Variants in CCDC178 observed in about 807,000 individuals in gnomAD.
CCDC178 encodes coiled-coil domain containing 178, also known as coiled-coil domain-containing protein 178.
A neutral mutation model predicts 117.4 loss-of-function variants in CCDC178; 126 were observed. That is an observed-to-expected ratio of 1.07 (90% CI 0.93 to 1.24). CCDC178 has a LOEUF of 1.24. CCDC178 is among the 50% of genes most tolerant of loss of function. CCDC178 has a pLI of 0.00. For missense variants in CCDC178, 1,030 were observed against 986.9 expected, an observed-to-expected ratio of 1.04 and a Z score of -0.59; for synonymous variants, 283 against 313.4, an observed-to-expected ratio of 0.90 and a Z score of 1.02.
chr18:33,242,057 T>C (rs1263916891), intron 15 of CCDC178, among the ~76,000 whole-genome samples: 2 of 151,754 alleles, frequency 1.3e-5, no homozygotes, highest in Non-Finnish European at 2.9e-5. Flanking sequence ...GGTACTGGCA[T>C]AAAAACAGTC....
intron 21 of CCDC178, among the ~76,000 whole-genome samples, chr18:33,041,561 T>G (rs1021713459): frequency 4.0e-5 from 6 of 151,348 alleles, no homozygotes; most frequent in Admixed American, 3.3e-4. Flanking sequence ...AATTTATTGA[T>G]AAGTCTAAGA....
chr18:33,189,546 G>A (rs2058834248), intron 20 of CCDC178, among the ~76,000 whole-genome samples: 1 of 152,126 alleles, frequency 6.6e-6, no homozygotes, highest in Admixed American at 6.6e-5. Context: ...TTACAGGATA[G>A]CATACAAGGA....
Position 33,139,191 on chromosome 18 carries a change from T to C in CCDC178, c.2239-46281A>G, listed in dbSNP as rs180883840. ...ACTTGCTCCTCCTTGCCTTCTGTCA[T>C]GATTGTGAGGCCATGTGGAAATTAA... On this transcript the variant is annotated intron_variant, in intron 20 of 22. Transcript: ENST00000383096. Among the ~76,000 whole-genome samples, 5 of 152,336 alleles carry C rather than the reference T, an allele frequency of 3.3e-5. No individual in the cohort carries two copies. The East Asian group carries it at 5.8e-4, about 18-fold the overall frequency.
intron 22 of CCDC178, among the ~76,000 whole-genome samples, chr18:32,947,186 A>C (rs977906444): frequency 2.6e-5 from 4 of 152,220 alleles, no homozygotes; most frequent in African/African-American, 9.6e-5. Context: ...AACAATAACA[A>C]AGCAGTCACG....
intron 20 of CCDC178, among the ~76,000 whole-genome samples, chr18:33,173,744 G>C (rs1016256639): frequency 3.3e-5 from 5 of 152,148 alleles, no homozygotes; most frequent in Non-Finnish European, 4.4e-5. Flanking sequence ...GTCTTGCATT[G>C]ATGAGAACAC....
At chr18:33,216,222 T>C (rs1424655574) in intron 18 of CCDC178, among the ~76,000 whole-genome samples, 1 of 152,100 alleles carries the variant, frequency 6.6e-6, no homozygotes, top group Non-Finnish European at 1.5e-5. Context: ...AAATGCATAC[T>C]TTATAAGCAT....
chr18:33,194,546 CT>C (rs928386733), intron 20 of CCDC178, among the ~76,000 whole-genome samples: 18 of 152,184 alleles, frequency 1.2e-4, no homozygotes, highest in African/African-American at 4.1e-4. Context: ...ACCACACTCG[CT>C]TTTTCCCCCA....
At chr18:33,322,633 A>G (rs1326265034) in intron 11 of CCDC178, among the ~76,000 whole-genome samples, 1 of 151,796 alleles carries the variant, frequency 6.6e-6, no homozygotes, top group Non-Finnish European at 1.5e-5. Flanking sequence ...TGGGTCAAAG[A>G]AGAAATCATG....
At chr18:33,436,314 C>G (rs948363570) in intron 2 of CCDC178, among the ~76,000 whole-genome samples, 110 of 152,156 alleles carry the variant, frequency 7.2e-4, no homozygotes, top group Non-Finnish European at 1.1e-3. Flanking sequence ...ATGATAGGAG[C>G]AGAGTTTAGG....
At chr18:33,111,049 T>C (rs1207508103) in intron 20 of CCDC178, among the ~76,000 whole-genome samples, 1 of 151,592 alleles carries the variant, frequency 6.6e-6, no homozygotes, top group Non-Finnish European at 1.5e-5. Context: ...ATTTAGAAAT[T>C]ATTTGATTTT....
intron 12 of CCDC178, among the ~76,000 whole-genome samples, chr18:33,275,684 G>T: frequency 1.1e-5 from 1 of 94,986 alleles, no homozygotes; most frequent in South Asian, 4.6e-4. Flanking sequence ...GGGAGGGGAG[G>T]AGGGAGGGGA....
At chr18:33,193,139 T>G (rs1272402068) in intron 20 of CCDC178, among the ~76,000 whole-genome samples, 2 of 150,512 alleles carry the variant, frequency 1.3e-5, no homozygotes, top group Non-Finnish European at 3.0e-5. Context: ...GGCAGGCGCC[T>G]GTAGTCGCAG....
intron 22 of CCDC178, among the ~76,000 whole-genome samples, chr18:32,945,612 G>A (rs1397073470): frequency 1.3e-5 from 2 of 152,122 alleles, no homozygotes; most frequent in African/African-American, 4.8e-5. Flanking sequence ...TTTGGAGAAG[G>A]CCACATGGCT....
chr18:33,110,635 C>T (rs898999745), intron 20 of CCDC178, among the ~76,000 whole-genome samples: 4 of 151,554 alleles, frequency 2.6e-5, no homozygotes, highest in African/African-American at 9.7e-5. Context: ...TGATCATGTA[C>T]TATTTATTGA....
intron 11 of CCDC178, among the ~76,000 whole-genome samples, chr18:33,309,093 A>G (rs1485287337): frequency 2.6e-5 from 4 of 152,096 alleles, no homozygotes; most frequent in East Asian, 1.9e-4. Context: ...TAATTATTTT[A>G]TATTTATATC....
intron 20 of CCDC178, among the ~76,000 whole-genome samples, chr18:33,162,807 C>T (rs1398328115): frequency 6.6e-6 from 1 of 152,042 alleles, no homozygotes; most frequent in East Asian, 1.9e-4. Context: ...TGTATATGTA[C>T]CGTATTTTAT....
intron 21 of CCDC178, among the ~76,000 whole-genome samples, chr18:32,984,152 C>T (rs2055211708): frequency 1.3e-5 from 2 of 151,634 alleles, no homozygotes; most frequent in Non-Finnish European, 3.0e-5. Context: ...ACGTGCACTC[C>T]CAATTTTGGT....
At chr18:33,048,417 T>C (rs532722023) in intron 21 of CCDC178, among the ~76,000 whole-genome samples, 1 of 152,318 alleles carries the variant, frequency 6.6e-6, no homozygotes, top group African/African-American at 2.4e-5. Flanking sequence ...TAGAAGTTTC[T>C]AGAAGCAGCT....
intron 2 of CCDC178, among the ~76,000 whole-genome samples, chr18:33,413,439 T>C: frequency 6.6e-6 from 1 of 152,158 alleles, no homozygotes; most frequent in Admixed American, 6.5e-5. Flanking sequence ...AACATATAAT[T>C]TTATTTCTTC....
Sources: allele counts gnomAD v4.1 joint callset (sites outside exome capture counted in the v4.1 genomes callset), GRCh38; gene constraint gnomAD v4.1.1; transcripts MANE v1.5; gene names NCBI Gene and HGNC (gene_info 2026-07-23, HGNC 2026-07-21).